NDNF: variants seen among roughly 807,000 people sequenced by gnomAD.
NDNF encodes the protein protein NDNF.
NDNF carries 16 observed loss-of-function variants against 42.0 expected under a neutral mutation model. The ratio of observed to expected loss-of-function variants is 0.38; its 90% CI spans 0.26 to 0.58. The LOEUF (loss-of-function observed/expected upper bound fraction) is 0.58, where lower values mean the gene tolerates loss of function less well. NDNF is among the 20% of genes least tolerant of loss of function. The pLI is 0.67. For missense variants in NDNF, 616 were observed against 666.2 expected, an observed-to-expected ratio of 0.92 and a Z score of 0.83; for synonymous variants, 248 against 251.7, an observed-to-expected ratio of 0.99 and a Z score of 0.14.
chr4:121,057,485 G>A (rs1353117479), intron 1 of NDNF, among the ~76,000 whole-genome samples: 1 of 152,170 alleles, frequency 6.6e-6, no homozygotes, highest in African/African-American at 2.4e-5. Context: ...TGGAAGACAG[G>A]CACTGGCTCA....
At position 121,053,191 on chromosome 4, in the gene NDNF, C is replaced by T. The variant is rs570655792; in HGVS notation, c.-1-7353G>A. Among the ~76,000 whole-genome samples the T allele has an allele frequency of 5.9e-5, 9 of 152,294 alleles. No individual in the cohort carries two copies. The South Asian group carries it at 1.9e-3, about 32-fold the overall frequency. ...TGCATTTCAACTGCAATGATTCCAA[C>T]CTCCCTTAGCACTTCTCTAAATGAC... On this transcript the variant is annotated intron_variant, in intron 1 of 3. Transcript: ENST00000379692.
At chr4:121,038,343 C>A (rs951265418) in intron 3 of NDNF, among the ~76,000 whole-genome samples, 1 of 124,352 alleles carries the variant, frequency 8.0e-6, no homozygotes, top group Non-Finnish European at 1.5e-5. Flanking sequence ...CAAAGCAAGA[C>A]CCTGTCTCAA....
chr4:121,061,869 C>T (rs1446796374), intron 1 of NDNF, among the ~76,000 whole-genome samples: 1 of 152,190 alleles, frequency 6.6e-6, no homozygotes, highest in African/African-American at 2.4e-5. Flanking sequence ...GGCTTTGGTA[C>T]TTTGAGTGAG....
chr4:121,036,132 G>A lies in NDNF; in HGVS notation c.*132C>T, dbSNP rs1024427230. ...CTTATATAAACATCAATATACACAC[G>A]TTGATATCCTTCCTTCCATAGTACA... On this transcript the variant is annotated 3_prime_UTR_variant, in exon 4 of 4. Transcript: ENST00000379692. 5 of 758,502 alleles carry A rather than the reference G, an allele frequency of 6.6e-6. No individual in the cohort carries two copies. The highest frequency in any genetic ancestry group is 1.1e-5 in the Non-Finnish European group (5 of 460,718). The allele number at this position is 758,502 out of a possible 1,614,324, so 47.0% of individuals were successfully genotyped here.
At chr4:121,053,721 G>T (rs1727239577) in intron 1 of NDNF, among the ~76,000 whole-genome samples, 1 of 152,170 alleles carries the variant, frequency 6.6e-6, no homozygotes, top group Admixed American at 6.5e-5. Flanking sequence ...TGAGATAGCT[G>T]GGATAACTTC....
intron 1 of NDNF, among the ~76,000 whole-genome samples, chr4:121,047,464 G>GA (rs1457386526): frequency 3.3e-5 from 5 of 152,304 alleles, no homozygotes; most frequent in African/African-American, 1.2e-4. Flanking sequence ...GGTAAGCAGA[G>GA]AAAGGATACA....
chr4:121,068,717 CAGAGAG>C (rs145199614), intron 1 of NDNF, among the ~76,000 whole-genome samples: 4 of 148,914 alleles, frequency 2.7e-5, no homozygotes, highest in East Asian at 2.0e-4. Context: ...AAAAGTGAGA[CAGAGAG>C]AGAGAGAGAG....
At chr4:121,043,509 C>T (rs1467528474) in intron 2 of NDNF, among the ~76,000 whole-genome samples, 2 of 150,128 alleles carry the variant, frequency 1.3e-5, no homozygotes, top group East Asian at 1.9e-4. Flanking sequence ...TAATCATTGG[C>T]GGAAAAAAGA....
intron 1 of NDNF, among the ~76,000 whole-genome samples, chr4:121,059,691 T>A (rs993980470): frequency 1.3e-5 from 2 of 152,212 alleles, no homozygotes; most frequent in African/African-American, 4.8e-5. Context: ...TTGGTTAGGA[T>A]CTATTCTGAT....
In NDNF at chr4:121,055,821, ACG is replaced by A. The variant is rs199685907; in HGVS notation, c.-1-9985_-1-9984del. Among the ~76,000 whole-genome samples, 115 of 152,178 alleles carry A rather than the reference ACG, an allele frequency of 7.6e-4. 1 individual carries two copies. Among genetic ancestry groups the A allele is most frequent in the African/African-American group, 2.5e-3 (105 of 41,454 alleles). ...TACATACACACATACACACACACAC[ACG>A]CACCCCAGAAGTTGCTTCTTTGAAC... On this transcript the variant is annotated intron_variant, in intron 1 of 3. Coordinates refer to ENST00000379692, the MANE Select transcript of NDNF (RefSeq NM_024574.4).
intron 1 of NDNF, among the ~76,000 whole-genome samples, chr4:121,069,603 A>C (rs1319284030): frequency 6.6e-6 from 1 of 152,214 alleles, no homozygotes; most frequent in African/African-American, 2.4e-5. Context: ...TAATGAATAA[A>C]ATGTCCTGAC....
At chr4:121,038,980 C>A (rs1477394307) in intron 3 of NDNF, 3 of 138,758 alleles carry the variant, frequency 2.2e-5, no homozygotes, top group Non-Finnish European at 3.1e-5. Flanking sequence ...AAGACCCTGT[C>A]CTGAAAAAAA....
chr4:121,070,531 G>C (rs1167162274), intron 1 of NDNF, among the ~76,000 whole-genome samples: 1 of 152,008 alleles, frequency 6.6e-6, no homozygotes, highest in East Asian at 1.9e-4. Flanking sequence ...GATTCCCTCC[G>C]TCAGAAAAGA....
intron 1 of NDNF, among the ~76,000 whole-genome samples, chr4:121,057,236 T>C (rs1313876765): frequency 6.6e-6 from 1 of 152,016 alleles, no homozygotes; most frequent in Non-Finnish European, 1.5e-5. Flanking sequence ...CTAGGCTAAG[T>C]AGTCAAGAAA....
chr4:121,054,334 T>G (rs1184346194), intron 1 of NDNF, among the ~76,000 whole-genome samples: 1 of 152,210 alleles, frequency 6.6e-6, no homozygotes, highest in Admixed American at 6.5e-5. Context: ...CATTCATTAT[T>G]TTTTTAATTC....
intron 1 of NDNF, among the ~76,000 whole-genome samples, chr4:121,063,452 C>T (rs1003344202): frequency 2.1e-4 from 31 of 150,138 alleles, no homozygotes; most frequent in African/African-American, 7.3e-4. Flanking sequence ...TGCACATAAA[C>T]ACACACACAC....
At chr4:121,062,812 G>A (rs1727436058) in intron 1 of NDNF, among the ~76,000 whole-genome samples, 1 of 152,060 alleles carries the variant, frequency 6.6e-6, no homozygotes, top group African/African-American at 2.4e-5. Flanking sequence ...ACAAGATAGA[G>A]CCTGCCAAGA....
Position 121,036,572 on chromosome 4 carries a change from C to T in NDNF, c.1399G>A (p.Val467Met), listed in dbSNP as rs753230983. The change falls in exon 4 of 4, where the codon GTG (valine) becomes ATG (methionine). Residue 467 changes from valine to methionine, a missense_variant. Transcript: ENST00000379692. ...CTTTCCTGAGTGCCTAGCCAAGCCACGGTGGCTGAGGAACAGGTACGGAGC... is the reference window on the plus strand; with the variant it reads ...CTTTCCTGAGTGCCTAGCCAAGCCATGGTGGCTGAGGAACAGGTACGGAGC... ...DKLRTCSSAT[V>M]AWLGTQERNK... 5.0e-6 allele frequency: 8 copies of T among 1,613,946 alleles called. No individual in the cohort carries two copies. The highest frequency in any genetic ancestry group is 1.3e-5 in the African/African-American group (1 of 74,908).
At chr4:121,054,833 A>G (rs965516527) in intron 1 of NDNF, among the ~76,000 whole-genome samples, 22 of 152,038 alleles carry the variant, frequency 1.4e-4, no homozygotes, top group African/African-American at 5.1e-4. Context: ...GAAGGCCCCC[A>G]TTGCCAACTT....
Sources: gnomAD v4.1 joint callset for allele counts (sites outside exome capture counted in the v4.1 genomes callset) on GRCh38, gnomAD v4.1.1 for gene constraint, MANE v1.5 for transcripts, NCBI Gene and HGNC (gene_info 2026-07-23, HGNC 2026-07-21) for gene names.